SPATS2: variants seen among roughly 807,000 people sequenced by gnomAD.
SPATS2 encodes the protein spermatogenesis-associated serine-rich protein 2.
A neutral mutation model predicts 63.7 loss-of-function variants in SPATS2; 38 were observed. That is an observed-to-expected ratio of 0.60 (90% CI 0.46 to 0.78). The LOEUF (loss-of-function observed/expected upper bound fraction) is 0.78. Ranked by LOEUF, SPATS2 falls within the 30% of genes least tolerant of loss-of-function variation. The pLI is 0.00. For missense variants in SPATS2, 588 were observed against 666.2 expected (o/e 0.88, Z 1.29); for synonymous variants, 207 against 232.9 (o/e 0.89, Z 1.01).
At chr12:49,475,949 T>C (rs1946110279) in intron 3 of SPATS2, among the ~76,000 whole-genome samples, 1 of 151,718 alleles carries the variant, frequency 6.6e-6, no homozygotes, top group East Asian at 1.9e-4. Context: ...GGAAGGGAAG[T>C]GCTGGGAAGG....
intron 5 of SPATS2, 34 bp from the exon 6 acceptor site, chr12:49,490,648 A>G: frequency 6.2e-7 from 1 of 1,605,858 alleles, no homozygotes; most frequent in Non-Finnish European, 8.5e-7. Flanking sequence ...TGTGTGTGGT[A>G]GGAGACAAAA....
At chr12:49,377,862 T>C (rs1211049043) in intron 2 of SPATS2, among the ~76,000 whole-genome samples, 1 of 152,222 alleles carries the variant, frequency 6.6e-6, no homozygotes, top group Non-Finnish European at 1.5e-5. Flanking sequence ...CCCTACCTAC[T>C]CCCTTGGTCA....
chr12:49,492,445 C>T (rs1305846979), intron 6 of SPATS2, among the ~76,000 whole-genome samples: 2 of 151,854 alleles, frequency 1.3e-5, no homozygotes, highest in Non-Finnish European at 2.9e-5. Context: ...TGGTGTCGAA[C>T]GCCTGACCCC....
chr12:49,522,813 T>G lies in SPATS2; in HGVS notation c.1071T>G (p.Asp357Glu). 1.2e-6 allele frequency: 2 copies of G among 1,613,828 alleles called. No individual in the cohort carries two copies. The highest frequency in any genetic ancestry group is 1.7e-6 in the Non-Finnish European group (2 of 1,179,778). Residue 357 changes from aspartate to glutamate, a missense_variant, in exon 12 of 14, where the codon GAT becomes GAG. By Grantham distance (45) the Asp-to-Glu change is conservative (BLOSUM62 2). Coordinates refer to ENST00000552918, the MANE Select transcript of SPATS2 (RefSeq NM_023071.4). Reference protein sequence around the residue: ...DLGRVARFTCDVETLKKSIDS... With the variant: ...DLGRVARFTCEVETLKKSIDS... ...GACGAGTAGCCCGGTTCACCTGTGA[T>G]GTAGAGACCCTAAAGAAGAGCATTG... is the stretch of plus-strand genomic sequence containing the variant.
intron 2 of SPATS2, among the ~76,000 whole-genome samples, chr12:49,385,354 A>ATAAG (rs1944294587): frequency 1.0e-5 from 1 of 99,562 alleles, no homozygotes; most frequent in Admixed American, 1.0e-4. Context: ...ATGTAAGTAT[A>ATAAG]TAAGTGTGTG....
intron 2 of SPATS2, 74 bp from the exon 3 acceptor site, chr12:49,460,696 G>T (rs1245670960): frequency 3.3e-6 from 1 of 302,506 alleles, no homozygotes; most frequent in Non-Finnish European, 6.0e-6. Flanking sequence ...AAGAAACCTT[G>T]TGGATATCTC....
chr12:49,523,783 C>T lies in SPATS2; in HGVS notation c.1112-899C>T, dbSNP rs551363792. ...TGGCTAACATGGTGAAACCCCATCTCTACTAAAAAATACAAAAAATTAGCC... is the reference window on the plus strand; with the variant it reads ...TGGCTAACATGGTGAAACCCCATCTTTACTAAAAAATACAAAAAATTAGCC... On this transcript the variant is annotated intron_variant, in intron 12 of 13. Transcript: ENST00000552918. 2.6e-5 allele frequency among the ~76,000 whole-genome samples: 4 copies of T among 152,022 alleles called. No individual in the cohort carries two copies. In the East Asian group the frequency reaches 7.8e-4, roughly 30 times the overall value.
intron 10 of SPATS2, 103 bp downstream of exon 10, chr12:49,514,716 GT>G: frequency 2.0e-6 from 2 of 980,106 alleles, no homozygotes; most frequent in South Asian, 1.6e-5. Context: ...CATAATAAGA[GT>G]TTATATATTT....
At chr12:49,442,594 G>C (rs1462762874) in intron 2 of SPATS2, 1 of 155,994 alleles carries the variant, frequency 6.4e-6, no homozygotes, top group Non-Finnish European at 1.5e-5. Flanking sequence ...CTTTCCTGCT[G>C]TCTTTTTTGG....
At chr12:49,451,152 G>GT (rs1173677361) in intron 2 of SPATS2, among the ~76,000 whole-genome samples, 1 of 152,176 alleles carries the variant, frequency 6.6e-6, no homozygotes, top group Non-Finnish European at 1.5e-5. Flanking sequence ...GGTTACAGGT[G>GT]TGAGCCACCA....
intron 2 of SPATS2, among the ~76,000 whole-genome samples, chr12:49,450,133 A>G (rs115679388): frequency 1.9e-3 from 288 of 150,864 alleles, no homozygotes; most frequent in African/African-American, 6.8e-3. Flanking sequence ...TTTACTTTCA[A>G]TCTCTCTGTG....
chr12:49,516,161 AAAAAAATATATATATAT>A (rs1946840702), intron 10 of SPATS2, among the ~76,000 whole-genome samples: 1 of 25,180 alleles, frequency 4.0e-5, no homozygotes, highest in African/African-American at 2.7e-4. Flanking sequence ...AAAAAAAAAA[AAAAAAATATATATATAT>A]ATATATATAT....
intron 2 of SPATS2, among the ~76,000 whole-genome samples, chr12:49,422,409 C>CT (rs973552494): frequency 6.6e-6 from 1 of 151,936 alleles, no homozygotes; most frequent in Admixed American, 6.6e-5. Context: ...AGCCTTCCTG[C>CT]TTTTTTTTCC....
At chr12:49,438,104 CTT>C (rs1945350157) in intron 2 of SPATS2, among the ~76,000 whole-genome samples, 2 of 152,074 alleles carry the variant, frequency 1.3e-5, no homozygotes, top group Non-Finnish European at 2.9e-5. Flanking sequence ...TCCCTGATGT[CTT>C]TTCTCAGAGG....
chr12:49,457,633 A>T (rs867311898), intron 2 of SPATS2, among the ~76,000 whole-genome samples: 31 of 152,206 alleles, frequency 2.0e-4, no homozygotes, highest in African/African-American at 6.7e-4. Context: ...GGGTTTCACC[A>T]TGCCGGTCAG....
chr12:49,460,796 T>A lies in SPATS2; in HGVS notation c.-217T>A. 1 of 583,700 alleles carries A rather than the reference T, an allele frequency of 1.7e-6. No homozygotes were observed. The highest frequency in any genetic ancestry group is 3.1e-6 in the Non-Finnish European group (1 of 324,276). 36.2% of individuals were successfully genotyped at this position (583,700 alleles called of 1,614,324 possible). Reference sequence around the variant, plus strand: ...ATCTCCCTGGAAAAGGAGACATGAATGTCTGCAATGATACTTCCTGACAAG... The same window carrying A: ...ATCTCCCTGGAAAAGGAGACATGAAAGTCTGCAATGATACTTCCTGACAAG... On this transcript the variant is annotated 5_prime_UTR_variant, in exon 3 of 14. An upstream start codon of the reference 5' UTR is lost. Coordinates refer to ENST00000552918, the MANE Select transcript of SPATS2 (RefSeq NM_023071.4).
At chr12:49,476,923 T>C (rs1049041177) in intron 3 of SPATS2, among the ~76,000 whole-genome samples, 2 of 152,142 alleles carry the variant, frequency 1.3e-5, no homozygotes, top group Non-Finnish European at 2.9e-5. Context: ...CTGACCAACA[T>C]GGAGAAACCT....
chr12:49,484,116 C>G (rs916453195), intron 3 of SPATS2, among the ~76,000 whole-genome samples: 2 of 152,168 alleles, frequency 1.3e-5, no homozygotes, highest in African/African-American at 4.8e-5. Context: ...ATATTAGGGA[C>G]ACACACATGA....
intron 2 of SPATS2, among the ~76,000 whole-genome samples, chr12:49,380,248 C>T (rs1381495764): frequency 6.7e-6 from 1 of 150,190 alleles, no homozygotes; most frequent in Non-Finnish European, 1.5e-5. Flanking sequence ...CTCTCTGCAG[C>T]CTCAAACTCA....
Sources: gnomAD v4.1 joint callset for allele counts (sites outside exome capture counted in the v4.1 genomes callset) on GRCh38, gnomAD v4.1.1 for gene constraint, MANE v1.5 for transcripts, NCBI Gene and HGNC (gene_info 2026-07-23, HGNC 2026-07-21) for gene names.